RAPGEF5: variants seen among roughly 807,000 people sequenced by gnomAD.
RAPGEF5 encodes M-Ras-regulated GEF.
Under a neutral mutation model 125.2 loss-of-function variants are expected in RAPGEF5, and 65 were observed. That is an observed-to-expected ratio of 0.52 (90% CI 0.43 to 0.64). RAPGEF5 has a LOEUF of 0.64. Ranked by LOEUF, RAPGEF5 falls within the 30% of genes least tolerant of loss-of-function variation. The pLI is 0.00. For synonymous variants in RAPGEF5, 391 were observed against 385.9 expected, an observed-to-expected ratio of 1.01 and a Z score of -0.16; for missense variants, 958 against 1,048.1, an observed-to-expected ratio of 0.91 and a Z score of 1.19.
intron 9 of RAPGEF5, among the ~76,000 whole-genome samples, chr7:22,200,972 T>C (rs1289404453): frequency 6.6e-6 from 1 of 152,106 alleles, no homozygotes; most frequent in Non-Finnish European, 1.5e-5. Context: ...GGCAGGAAAA[T>C]GCACACTCAG....
chr7:22,251,799 A>AAAAAAAAAAT (rs1562489273), intron 7 of RAPGEF5, among the ~76,000 whole-genome samples: 4 of 149,692 alleles, frequency 2.7e-5, no homozygotes, highest in Non-Finnish European at 4.4e-5. Flanking sequence ...AAAAAAAAAA[A>AAAAAAAAAAT]GTGGAGGTGC....
intron 7 of RAPGEF5, among the ~76,000 whole-genome samples, chr7:22,242,207 G>T (rs1248446563): frequency 6.6e-6 from 1 of 152,196 alleles, no homozygotes; most frequent in Non-Finnish European, 1.5e-5. Context: ...GATCAGTCTT[G>T]GCACACAGAG....
intron 7 of RAPGEF5, among the ~76,000 whole-genome samples, chr7:22,253,385 T>C (rs1176025008): frequency 6.6e-6 from 1 of 152,080 alleles, no homozygotes; most frequent in Non-Finnish European, 1.5e-5. Flanking sequence ...ATCGAGGATG[T>C]GGCAAAAGAA....
At chr7:22,228,503 T>G (rs1583498487) in intron 8 of RAPGEF5, among the ~76,000 whole-genome samples, 2 of 152,034 alleles carry the variant, frequency 1.3e-5, no homozygotes, top group East Asian at 3.9e-4. Flanking sequence ...AAAGGTTTTT[T>G]GTTTTGCTTT....
chr7:22,230,865 TC>T lies in RAPGEF5; in HGVS notation c.850del (p.Glu284LysfsTer10). ...NDKHVAVTEAESVPDSQAGVM... is the reference protein window; with the variant it reads ...NDKHVAVTEAXSVPDSQAGVM... ...TCATACCTGAGAATCTGGAACACTT[TC>T]GGCTTCTGTTACAGCTACATGTTTG... On this transcript the variant is annotated frameshift_variant, in exon 8 of 26. Transcript: ENST00000665637. LOFTEE classifies it high-confidence loss of function. The T allele has an allele frequency of 6.4e-7, 1 of 1,566,790 alleles. No homozygotes were observed. Among genetic ancestry groups the T allele is most frequent in the Non-Finnish European group, 8.7e-7 (1 of 1,153,650 alleles).
Position 22,188,942 on chromosome 7 carries a change from C to T in RAPGEF5, c.1204+4425G>A, listed in dbSNP as rs10246833. ...GCTCAACCTACTATGTGTTGCTAAA[C>T]GCCAGCTCCCCAACACTGAGGTATC... On this transcript the variant is annotated intron_variant, in intron 11 of 25. Coordinates refer to ENST00000665637, the MANE Select transcript of RAPGEF5 (RefSeq NM_012294.5). Among the ~76,000 whole-genome samples, 796 of 151,622 alleles carry T rather than the reference C, an allele frequency of 5.2e-3. 6 individuals are homozygous for T. The highest frequency in any genetic ancestry group is 0.018 in the African/African-American group (759 of 41,332).
intron 7 of RAPGEF5, among the ~76,000 whole-genome samples, chr7:22,232,676 T>C (rs2128134881): frequency 6.6e-6 from 1 of 152,324 alleles, no homozygotes; most frequent in Non-Finnish European, 1.5e-5. Flanking sequence ...TATCATTTCA[T>C]GTACTTTTTG....
Position 22,246,991 on chromosome 7 carries a change from T to C in RAPGEF5, c.797-16072A>G, listed in dbSNP as rs540792636. Among the ~76,000 whole-genome samples the C allele has an allele frequency of 5.3e-5, 8 of 152,292 alleles. No individual in the cohort carries two copies. The South Asian group carries it at 8.3e-4, about 16-fold the overall frequency. ...CATATGAAGAAATGCTCAACATCAC[T>C]AATCATCCAAGAAATGTAAATCAAA... is the stretch of plus-strand genomic sequence containing the variant. On this transcript the variant is annotated intron_variant, in intron 7 of 25. Coordinates refer to ENST00000665637, the MANE Select transcript of RAPGEF5 (RefSeq NM_012294.5).
chr7:22,128,944 T>A (rs1225265185), intron 24 of RAPGEF5, among the ~76,000 whole-genome samples: 1 of 152,244 alleles, frequency 6.6e-6, no homozygotes, highest in African/African-American at 2.4e-5. Context: ...AAGGGTATGA[T>A]GATTGACCCT....
chr7:22,142,449 A>G (rs1783293002), intron 20 of RAPGEF5, among the ~76,000 whole-genome samples: 2 of 152,146 alleles, frequency 1.3e-5, no homozygotes, highest in African/African-American at 4.8e-5. Context: ...CTATCTTTTT[A>G]TCTTTTAGCT....
intron 1 of RAPGEF5, among the ~76,000 whole-genome samples, chr7:22,352,284 TTAGAAACAACC>T (rs926517437): frequency 6.6e-6 from 1 of 152,014 alleles, no homozygotes; most frequent in African/African-American, 2.4e-5. Context: ...AATATCAGTC[TTAGAAACAACC>T]TGATGAGAAA....
At chr7:22,250,927 CA>C (rs1282387483) in intron 7 of RAPGEF5, among the ~76,000 whole-genome samples, 3 of 152,112 alleles carry the variant, frequency 2.0e-5, no homozygotes, top group African/African-American at 4.8e-5. Context: ...AGTGATTAAT[CA>C]GGGGGAACAC....
intron 3 of RAPGEF5, among the ~76,000 whole-genome samples, chr7:22,313,622 G>A (rs1483376974): frequency 6.6e-6 from 1 of 152,084 alleles, no homozygotes; most frequent in East Asian, 1.9e-4. Context: ...CCTGATTAAT[G>A]TTCATCTCCC....
intron 9 of RAPGEF5, among the ~76,000 whole-genome samples, chr7:22,197,901 G>GCGC (rs371252934): frequency 4.8e-5 from 7 of 144,618 alleles, no homozygotes; most frequent in Non-Finnish European, 1.1e-4. Context: ...TTTGGGGGGG[G>GCGC]GTGGTAGGAG....
At chr7:22,128,153 T>A (rs1782806672) in intron 24 of RAPGEF5, among the ~76,000 whole-genome samples, 1 of 152,166 alleles carries the variant, frequency 6.6e-6, no homozygotes, top group South Asian at 2.1e-4. Flanking sequence ...TGAGTTCTGG[T>A]CTTCATCTTT....
At chr7:22,312,714 A>G (rs1783501789) in intron 3 of RAPGEF5, among the ~76,000 whole-genome samples, 1 of 152,246 alleles carries the variant, frequency 6.6e-6, no homozygotes, top group Admixed American at 6.5e-5. Context: ...TCTGTTGCAT[A>G]TGATCCCTTT....
chr7:22,234,603 CAGG>C (rs1225881904), intron 7 of RAPGEF5, among the ~76,000 whole-genome samples: 1 of 152,156 alleles, frequency 6.6e-6, no homozygotes, highest in Non-Finnish European at 1.5e-5. Context: ...TTAGTGCCCA[CAGG>C]AGAACTAAGC....
chr7:22,145,276 A>G, intron 19 of RAPGEF5, 54 bp from the exon 20 acceptor site: 4 of 1,508,114 alleles, frequency 2.7e-6, no homozygotes, highest in South Asian at 2.6e-5. Flanking sequence ...TATGGTTGAT[A>G]CAAAACTCGG....
chr7:22,213,059 A>T (rs772947257), intron 9 of RAPGEF5, among the ~76,000 whole-genome samples: 2 of 152,230 alleles, frequency 1.3e-5, no homozygotes, highest in African/African-American at 2.4e-5. Context: ...AGCCAGTATC[A>T]ATGTTCTTGA....
Sources: gnomAD v4.1 joint callset for allele counts (sites outside exome capture counted in the v4.1 genomes callset) on GRCh38, gnomAD v4.1.1 for gene constraint, MANE v1.5 for transcripts, NCBI Gene and HGNC (gene_info 2026-07-23, HGNC 2026-07-21) for gene names.